Variants in NRXN3 observed in about 807,000 individuals in gnomAD.
The protein encoded by NRXN3 is neurexin III.
A neutral mutation model predicts 137.6 loss-of-function variants in NRXN3; 32 were observed. The observed-to-expected ratio is 0.23, with a 90% confidence interval of 0.18 to 0.31. NRXN3 has a LOEUF of 0.31. Ranked by LOEUF, NRXN3 falls within the 10% of genes least tolerant of loss-of-function variation. The pLI is 1.00. For missense variants in NRXN3, 1,574 were observed against 2,062.5 expected, an observed-to-expected ratio of 0.76 and a Z score of 4.59; for synonymous variants, 798 against 784.5, an observed-to-expected ratio of 1.02 and a Z score of -0.29.
chr14:79,401,661 T>C (rs985837923), intron 15 of NRXN3, among the ~76,000 whole-genome samples: 7 of 152,162 alleles, frequency 4.6e-5, no homozygotes, highest in Admixed American at 3.9e-4. Flanking sequence ...AGTAACAATT[T>C]GAGGGAGGTG....
chr14:78,352,924 C>G (rs1180767589), intron 4 of NRXN3, among the ~76,000 whole-genome samples: 1 of 152,166 alleles, frequency 6.6e-6, no homozygotes, highest in African/African-American at 2.4e-5. Flanking sequence ...GCAATCTGCT[C>G]CTGTCAACAC....
At chr14:79,284,121 CA>C (rs2153448806) in intron 15 of NRXN3, among the ~76,000 whole-genome samples, 1 of 150,912 alleles carries the variant, frequency 6.6e-6, no homozygotes, top group African/African-American at 2.4e-5. Flanking sequence ...ATTTGTTTAC[CA>C]AGCTTTAATT....
chr14:78,197,950 A>G (rs1237015085), intron 1 of NRXN3, among the ~76,000 whole-genome samples: 1 of 152,212 alleles, frequency 6.6e-6, no homozygotes, highest in African/African-American at 2.4e-5. Flanking sequence ...AGCATGGCAC[A>G]TGGTTCCCTA....
intron 16 of NRXN3, among the ~76,000 whole-genome samples, chr14:79,472,520 A>G (rs2153625200): frequency 6.6e-6 from 1 of 152,362 alleles, no homozygotes; most frequent in South Asian, 2.1e-4. Flanking sequence ...AAAATTTTGA[A>G]TTAAGCATGT....
intron 14 of NRXN3, chr14:78,972,785 G>A (rs1598083227): frequency 6.6e-6 from 1 of 152,322 alleles, no homozygotes; most frequent in East Asian, 1.9e-4. Flanking sequence ...TGGTTATGCA[G>A]ATTGCGTTTT....
chr14:78,940,205 C>A (rs542580176), intron 10 of NRXN3, among the ~76,000 whole-genome samples: 3 of 152,258 alleles, frequency 2.0e-5, no homozygotes, highest in East Asian at 3.9e-4. Flanking sequence ...AATCTCTATA[C>A]GTGGCAGTTT....
At chr14:79,036,208 T>TC (rs35682592) in intron 15 of NRXN3, among the ~76,000 whole-genome samples, 6 of 151,888 alleles carry the variant, frequency 4.0e-5, no homozygotes, top group South Asian at 2.1e-4. Context: ...GCAAGATACT[T>TC]CCCCCCCACC....
intron 8 of NRXN3, among the ~76,000 whole-genome samples, chr14:78,732,514 A>G (rs1378206364): frequency 6.6e-6 from 1 of 152,164 alleles, no homozygotes; most frequent in Non-Finnish European, 1.5e-5. Context: ...TTCCAAACAC[A>G]TAGGCTTCAG....
At chr14:78,931,930 T>G (rs764611297) in intron 10 of NRXN3, among the ~76,000 whole-genome samples, 1 of 152,100 alleles carries the variant, frequency 6.6e-6, no homozygotes, top group Non-Finnish European at 1.5e-5. Context: ...GTGGATCACC[T>G]GAGATCAGGA....
chr14:78,654,967 C>T (rs11846072), intron 6 of NRXN3, among the ~76,000 whole-genome samples: 2 of 152,164 alleles, frequency 1.3e-5, no homozygotes, highest in East Asian at 3.8e-4. Flanking sequence ...CTGCCTCCCC[C>T]TGAGCTATCA....
At chr14:79,140,960 G>A (rs2058733865) in intron 15 of NRXN3, among the ~76,000 whole-genome samples, 1 of 152,068 alleles carries the variant, frequency 6.6e-6, no homozygotes, top group Non-Finnish European at 1.5e-5. Context: ...TATATATTTT[G>A]TATAGTATAT....
At chr14:79,319,337 C>A (rs969219022) in intron 15 of NRXN3, among the ~76,000 whole-genome samples, 53 of 152,278 alleles carry the variant, frequency 3.5e-4, no homozygotes, top group African/African-American at 1.1e-3. Context: ...TAATTACTTT[C>A]TCATAAATAC....
At chr14:79,173,139 A>G (rs2061949972) in intron 15 of NRXN3, among the ~76,000 whole-genome samples, 2 of 152,214 alleles carry the variant, frequency 1.3e-5, no homozygotes, top group Admixed American at 1.3e-4. Context: ...TTTGGACTAG[A>G]GATACAATCT....
chr14:78,193,063 A>G (rs181750471), intron 1 of NRXN3, among the ~76,000 whole-genome samples: 22 of 152,278 alleles, frequency 1.4e-4, no homozygotes, highest in Non-Finnish European at 2.5e-4. Context: ...GATAGTGGAT[A>G]TTATTGTTGC....
intron 16 of NRXN3, among the ~76,000 whole-genome samples, chr14:79,652,515 C>T (rs1287560724): frequency 1.3e-5 from 2 of 152,136 alleles, no homozygotes; most frequent in Non-Finnish European, 2.9e-5. Context: ...CTCCATTTGG[C>T]TGAAACTTAC....
rs554922313 is a variant in NRXN3, at chr14:79,769,418, A to T, written c.4015-35694A>T. Among the ~76,000 whole-genome samples the T allele has an allele frequency of 5.3e-5, 8 of 152,272 alleles. No homozygotes were observed. The East Asian group carries it at 7.7e-4, about 15-fold the overall frequency. On this transcript the variant is annotated intron_variant, in intron 19 of 20. Transcript: ENST00000335750. ...AAGGGAAGCCCATCAGACTAACAGC[A>T]GATCTCTCAGCAGAAACTCTACAAG...
At chr14:78,352,838 CA>C (rs2083734711) in intron 4 of NRXN3, among the ~76,000 whole-genome samples, 1 of 152,166 alleles carries the variant, frequency 6.6e-6, no homozygotes, top group Non-Finnish European at 1.5e-5. Context: ...GAAGGCTCTG[CA>C]AAGGCACAGA....
At chr14:78,204,299 C>G (rs376298259) in intron 1 of NRXN3, among the ~76,000 whole-genome samples, 1 of 151,730 alleles carries the variant, frequency 6.6e-6, no homozygotes, top group South Asian at 2.1e-4. Context: ...AGAAAGAGCA[C>G]GAGCATGTAT....
At chr14:78,180,250 G>A (rs1416744158) in intron 1 of NRXN3, among the ~76,000 whole-genome samples, 1 of 152,114 alleles carries the variant, frequency 6.6e-6, no homozygotes, top group African/African-American at 2.4e-5. Flanking sequence ...CAAAGAGTTG[G>A]CAAGGTTTCA....
Sources: gnomAD v4.1 joint callset for allele counts (sites outside exome capture counted in the v4.1 genomes callset) on GRCh38, gnomAD v4.1.1 for gene constraint, MANE v1.5 for transcripts, NCBI Gene and HGNC (gene_info 2026-07-23, HGNC 2026-07-21) for gene names.